GLI3: variants seen among roughly 807,000 people sequenced by gnomAD.
GLI3 encodes the protein transcription activator GLI3.
GLI3 carries 20 observed loss-of-function variants against 100.8 expected under a neutral mutation model. The observed-to-expected ratio is 0.20, with a 90% CI of 0.14 to 0.29. GLI3 has a LOEUF of 0.29. Among genes scored for constraint, GLI3 ranks in the 10% least tolerant of loss-of-function variants. GLI3 has a pLI of 1.00. For missense variants in GLI3, 2,040 were observed against 2,128.5 expected (o/e 0.96, Z 0.82); for synonymous variants, 938 against 860.5 (o/e 1.09, Z -1.58).
rs188760808 is a variant in GLI3 at position 42,102,285 on chromosome 7, G to A, written c.368-25428C>T. ...TTTTAAAAAATCCATGAGCCTCACTGCCCAAGACAGCCAGGGTACCTGGCT... is the reference window on the plus strand; with the variant it reads ...TTTTAAAAAATCCATGAGCCTCACTACCCAAGACAGCCAGGGTACCTGGCT... On this transcript the variant is annotated intron_variant, in intron 3 of 14. Transcript: ENST00000395925. Among the ~76,000 whole-genome samples, 688 of 152,244 alleles carry A rather than the reference G, an allele frequency of 4.5e-3. 6 individuals carry two copies. Among genetic ancestry groups the A allele is most frequent in the Middle Eastern group, 0.024 (7 of 294 alleles).
At chr7:42,180,016 T>C (rs1233344111) in intron 2 of GLI3, among the ~76,000 whole-genome samples, 1 of 152,288 alleles carries the variant, frequency 6.6e-6, no homozygotes, top group South Asian at 2.1e-4. Flanking sequence ...CAGTGGTATT[T>C]CAATTCATAA....
chr7:42,195,813 A>C (rs186440173), intron 2 of GLI3, among the ~76,000 whole-genome samples: 31 of 152,362 alleles, frequency 2.0e-4, no homozygotes, highest in African/African-American at 7.0e-4. Flanking sequence ...TAATGGGTGG[A>C]TGGACAGATG....
chr7:42,138,389 C>T (rs1290014734), intron 3 of GLI3, among the ~76,000 whole-genome samples: 4 of 152,172 alleles, frequency 2.6e-5, no homozygotes, highest in Non-Finnish European at 5.9e-5. Flanking sequence ...CATAAAAATG[C>T]ATCTCACAGA....
chr7:42,055,072 TATATATGTATATATACATATATACAC>T (rs1213918061), intron 4 of GLI3, among the ~76,000 whole-genome samples: 3 of 136,248 alleles, frequency 2.2e-5, no homozygotes, highest in Non-Finnish European at 4.5e-5. Flanking sequence ...TATGTATACA[TATATATGTATATATACATATATACAC>T]ATATATGTAT....
intron 3 of GLI3, among the ~76,000 whole-genome samples, chr7:42,082,340 A>T (rs1241660085): frequency 2.0e-5 from 3 of 152,202 alleles, no homozygotes; most frequent in Admixed American, 6.5e-5. Flanking sequence ...GACTGACTCC[A>T]AGATGCAGAC....
chr7:42,220,504 C>T (rs1321853522), intron 2 of GLI3, among the ~76,000 whole-genome samples: 1 of 152,160 alleles, frequency 6.6e-6, no homozygotes, highest in East Asian at 1.9e-4. Flanking sequence ...GTCCAAAGCC[C>T]ACACACCAGT....
chr7:42,112,560 C>T (rs1785738425), intron 3 of GLI3, among the ~76,000 whole-genome samples: 1 of 152,106 alleles, frequency 6.6e-6, no homozygotes, highest in Non-Finnish European at 1.5e-5. Context: ...ATATTGCATG[C>T]CTGTATCAAA....
At position 41,966,092 on chromosome 7, in the gene GLI3, G is replaced by A. The variant is rs772285708; in HGVS notation, c.2981C>T (p.Pro994Leu). 6.4e-7 allele frequency: 1 copy of A among 1,569,870 alleles called. No individual in the cohort carries two copies. Among genetic ancestry groups the A allele is most frequent in the Non-Finnish European group, 8.6e-7 (1 of 1,164,012 alleles). The change falls in exon 15 of 15, where the codon CCG (proline) becomes CTG (leucine). Residue 994 changes from proline (P) to leucine (L), a missense_variant. Around this residue, in one of 5 missense-constraint regions of GLI3, gnomAD observed 1,041 missense variants for 924.0 expected, o/e 1.13. Coordinates refer to ENST00000395925, the MANE Select transcript of GLI3 (RefSeq NM_000168.6). The surrounding 1 kb of genome is among the most constrained non-coding windows in gnomAD (Gnocchi z 5.8). ...AHGYGRRHLQPHDAPGHGVRR... is the reference protein window; with the variant it reads ...AHGYGRRHLQLHDAPGHGVRR... ...CACGCCGTGGCCCGGCGCATCGTGC[G>A]GCTGCAGGTGGCGCCGCCCGTAGCC...
chr7:42,194,093 G>GGACA (rs1787879624), intron 2 of GLI3, among the ~76,000 whole-genome samples: 1 of 152,082 alleles, frequency 6.6e-6, no homozygotes, highest in South Asian at 2.1e-4. Context: ...AATGCCTGAA[G>GGACA]GACAGTTCCT....
intron 2 of GLI3, among the ~76,000 whole-genome samples, chr7:42,178,670 T>C (rs1301018755): frequency 3.3e-5 from 5 of 152,186 alleles, no homozygotes; most frequent in African/African-American, 4.8e-5. Context: ...ACTTGGACTC[T>C]AGCAATCAAC....
chr7:42,048,683 A>G lies in GLI3; in HGVS notation c.487T>C (p.Ser163Pro), dbSNP rs756865273. 7.5e-6 allele frequency: 12 copies of G among 1,609,494 alleles called. No homozygotes were observed. The highest frequency in any genetic ancestry group is 1.7e-5 in the Admixed American group (1 of 59,370). ...IPPLHMTSAL[S>P]SSPTYPDLPF... is the part of the protein sequence containing the mutation. ...AGGTCCGGATACGTAGGGCTACTAG[A>G]TAAGGCGGAAGTCCTGGGTACAAAG... The change falls in exon 5 of 15, where the codon TCT becomes CCT. Residue 163 changes from serine (S) to proline (P), a missense_variant. Around this residue, in one of 5 missense-constraint regions of GLI3, gnomAD observed 603 missense variants for 690.9 expected, o/e 0.87. Transcript: ENST00000395925.
At chr7:42,255,940 G>A (rs1039764537) in intron 1 of GLI3, among the ~76,000 whole-genome samples, 4 of 152,018 alleles carry the variant, frequency 2.6e-5, no homozygotes, top group South Asian at 2.1e-4. Context: ...AATACATAAC[G>A]GTTCCAGTTT....
Position 42,026,301 on chromosome 7 carries a change from G to A in GLI3, c.1140C>T (p.Leu380=), listed in dbSNP as rs373212450. The part of the protein sequence containing the change: ...LGSAFGHSPP[L]IHPAPTFPTQ... ...TTGGAAAAGTTGGGGCAGGGTGGAT[G>A]AGTGGAGGGCTGTGTCCAAAGGCTG... is the stretch of plus-strand genomic sequence containing the variant. Residue 380 remains leucine (L), a synonymous_variant, in exon 8 of 15, where the codon CTC becomes CTT. Coordinates refer to ENST00000395925, the MANE Select transcript of GLI3 (RefSeq NM_000168.6). The A allele has an allele frequency of 2.5e-6, 4 of 1,613,922 alleles. No homozygotes were observed. The highest frequency in any genetic ancestry group is 4.5e-5 in the East Asian group (2 of 44,896).
chr7:41,981,232 T>C (rs957492321), intron 10 of GLI3, among the ~76,000 whole-genome samples: 1 of 152,204 alleles, frequency 6.6e-6, no homozygotes, highest in Non-Finnish European at 1.5e-5. Flanking sequence ...CCACTTGGCA[T>C]GGCGAGAAGG....
chr7:42,067,192 GCTTACGTTATGGA>G (rs1784692230), intron 4 of GLI3, among the ~76,000 whole-genome samples: 2 of 152,106 alleles, frequency 1.3e-5, no homozygotes, highest in African/African-American at 4.8e-5. Context: ...AGGTCTGATT[GCTTACGTTATGGA>G]CTTACAATTC....
At chr7:42,043,309 T>C (rs1784180934) in intron 6 of GLI3, among the ~76,000 whole-genome samples, 1 of 152,224 alleles carries the variant, frequency 6.6e-6, no homozygotes, top group Non-Finnish European at 1.5e-5. Context: ...TTAAGAACTT[T>C]CCAGCCCTTT....
intron 2 of GLI3, among the ~76,000 whole-genome samples, chr7:42,203,556 A>G (rs911245621): frequency 1.3e-5 from 2 of 152,158 alleles, no homozygotes; most frequent in African/African-American, 4.8e-5. Context: ...AAATGACAGG[A>G]TTGCCTTCTT....
At chr7:41,995,238 A>G (rs1788093123) in intron 10 of GLI3, among the ~76,000 whole-genome samples, 1 of 152,206 alleles carries the variant, frequency 6.6e-6, no homozygotes, top group Non-Finnish European at 1.5e-5. Context: ...GGCTATAGGT[A>G]TTAAGGTCCT....
chr7:42,095,289 T>C (rs1785314358), intron 3 of GLI3, among the ~76,000 whole-genome samples: 1 of 152,316 alleles, frequency 6.6e-6, no homozygotes, highest in East Asian at 1.9e-4. Flanking sequence ...CTGCTGCTGC[T>C]GGAGACCCTC....
Sources: allele counts gnomAD v4.1 joint callset (sites outside exome capture counted in the v4.1 genomes callset), GRCh38; gene constraint gnomAD v4.1.1; regional missense constraint gnomAD v4.1.1; non-coding constraint Gnocchi (gnomAD v3.1); transcripts MANE v1.5; gene names NCBI Gene and HGNC (gene_info 2026-07-23, HGNC 2026-07-21).